Variants in MRPL1 observed in about 807,000 individuals in gnomAD.
The protein encoded by MRPL1 is large ribosomal subunit protein uL1m.
Under a neutral mutation model 38.0 loss-of-function variants are expected in MRPL1, and 28 were observed. The observed-to-expected ratio is 0.74, with a 90% CI of 0.55 to 1.01. MRPL1 has a LOEUF of 1.01. Among genes scored for constraint, MRPL1 ranks in the 50% least tolerant of loss-of-function variants. MRPL1 has a pLI of 0.00. For missense variants in MRPL1, 358 were observed against 389.8 expected (o/e 0.92, Z 0.69); for synonymous variants, 123 against 126.7 (o/e 0.97, Z 0.20).
intron 1 of MRPL1, among the ~76,000 whole-genome samples, chr4:77,870,162 G>A (rs1484032886): frequency 6.6e-6 from 1 of 152,296 alleles, no homozygotes; most frequent in Middle Eastern, 3.4e-3. Context: ...CCAAAGTGCT[G>A]GGATTACAGA....
At chr4:77,934,707 C>T (rs898151313) in intron 7 of MRPL1, among the ~76,000 whole-genome samples, 7 of 152,148 alleles carry the variant, frequency 4.6e-5, no homozygotes, top group Non-Finnish European at 7.3e-5. Context: ...GAATTCAAAG[C>T]AGGGACTTGA....
At chr4:77,882,453 A>G (rs1169602642) in intron 2 of MRPL1, among the ~76,000 whole-genome samples, 1 of 151,956 alleles carries the variant, frequency 6.6e-6, no homozygotes, top group Non-Finnish European at 1.5e-5. Context: ...TTCCCAGAGA[A>G]CCCCATGCCC....
At chr4:77,879,709 G>T (rs1169677701) in intron 2 of MRPL1, among the ~76,000 whole-genome samples, 1 of 152,176 alleles carries the variant, frequency 6.6e-6, no homozygotes, top group Non-Finnish European at 1.5e-5. Flanking sequence ...CTGCTGCTTT[G>T]CTAAATATAA....
chr4:77,952,277 G>A (rs1002488665), intron 8 of MRPL1, among the ~76,000 whole-genome samples: 5 of 152,098 alleles, frequency 3.3e-5, no homozygotes, highest in African/African-American at 7.2e-5. Context: ...TTATTTAGAA[G>A]CTTGGTGATA....
At position 77,879,461 on chromosome 4, in the gene MRPL1, A is replaced by G. The variant is rs149710537; in HGVS notation, c.144-3781A>G. Among the ~76,000 whole-genome samples the G allele has an allele frequency of 1.1e-3, 171 of 152,346 alleles. 1 individual carries two copies. Among genetic ancestry groups the G allele is most frequent in the African/African-American group, 3.9e-3 (161 of 41,576 alleles). On this transcript the variant is annotated intron_variant, in intron 2 of 8. Coordinates refer to ENST00000315567, the MANE Select transcript of MRPL1 (RefSeq NM_020236.4). ...TATACCCAACTCAGACTCTTTATGT[A>G]TCAGACTTTCATTGAATTTTGAAAA...
chr4:77,900,940 ATGT>A (rs1361451746), intron 6 of MRPL1, among the ~76,000 whole-genome samples: 4 of 151,984 alleles, frequency 2.6e-5, no homozygotes, highest in African/African-American at 7.2e-5. Flanking sequence ...ATGAGGAAAG[ATGT>A]TGTTGGATAT....
At chr4:77,872,993 A>C (rs564964674) in intron 2 of MRPL1, among the ~76,000 whole-genome samples, 2 of 152,214 alleles carry the variant, frequency 1.3e-5, no homozygotes, top group South Asian at 4.1e-4. Flanking sequence ...AGATTGCGCC[A>C]CTACACTCTA....
chr4:77,877,057 C>T (rs1395131714), intron 2 of MRPL1, among the ~76,000 whole-genome samples: 4 of 152,114 alleles, frequency 2.6e-5, no homozygotes, highest in South Asian at 4.1e-4. Flanking sequence ...CGCACCACCA[C>T]GCCCAGCTAA....
At chr4:77,928,148 T>C (rs1044442838) in intron 7 of MRPL1, among the ~76,000 whole-genome samples, 1 of 152,206 alleles carries the variant, frequency 6.6e-6, no homozygotes, top group Admixed American at 6.5e-5. Flanking sequence ...TGATAAAAGC[T>C]GAAGCATATT....
intron 7 of MRPL1, among the ~76,000 whole-genome samples, chr4:77,917,090 T>G (rs1736440040): frequency 6.6e-6 from 1 of 152,194 alleles, no homozygotes; most frequent in Non-Finnish European, 1.5e-5. Flanking sequence ...GTTTCTTTGG[T>G]TACAGTGTTA....
In MRPL1 at chr4:77,868,003, A is replaced by G. The variant is rs568071713; in HGVS notation, c.32-3741A>G. 4.0e-4 allele frequency among the ~76,000 whole-genome samples: 61 copies of G among 150,688 alleles called. 1 individual carries two copies. Among genetic ancestry groups the G allele is most frequent in the Middle Eastern group, 3.5e-3 (1 of 288 alleles). On this transcript the variant is annotated intron_variant, in intron 1 of 8. Coordinates refer to ENST00000315567, the MANE Select transcript of MRPL1 (RefSeq NM_020236.4). ...GATCTCCTGACCTCGTGATCCGCCC[A>G]CCTCAGCCCCCCAAAGTGCTGGGAT...
intron 5 of MRPL1, among the ~76,000 whole-genome samples, chr4:77,888,323 G>A (rs1467381832): frequency 5.9e-5 from 9 of 152,142 alleles, no homozygotes; most frequent in Non-Finnish European, 8.8e-5. Context: ...TGGCCAACAC[G>A]GTGAATCCCC....
At chr4:77,879,778 G>A (rs1435386922) in intron 2 of MRPL1, among the ~76,000 whole-genome samples, 2 of 152,148 alleles carry the variant, frequency 1.3e-5, no homozygotes, top group Non-Finnish European at 2.9e-5. Context: ...GTACTTCCAC[G>A]GTAGCTGTTG....
intron 7 of MRPL1, among the ~76,000 whole-genome samples, chr4:77,932,216 C>T (rs998319119): frequency 3.3e-5 from 5 of 152,128 alleles, no homozygotes; most frequent in African/African-American, 9.7e-5. Context: ...ACTGGAATTA[C>T]GGGGGTGACT....
intron 7 of MRPL1, among the ~76,000 whole-genome samples, chr4:77,940,804 A>G (rs1737107441): frequency 6.6e-6 from 1 of 152,162 alleles, no homozygotes; most frequent in Non-Finnish European, 1.5e-5. Context: ...TGAAATGATC[A>G]TGTGATTTTT....
At chr4:77,886,719 G>A (rs1207445814) in intron 4 of MRPL1, among the ~76,000 whole-genome samples, 1 of 151,380 alleles carries the variant, frequency 6.6e-6, no homozygotes, top group Admixed American at 6.6e-5. Context: ...GGCTTCAAGT[G>A]ATCCTCTTGA....
chr4:77,925,165 C>G (rs889838214), intron 7 of MRPL1, among the ~76,000 whole-genome samples: 1 of 152,062 alleles, frequency 6.6e-6, no homozygotes, highest in Non-Finnish European at 1.5e-5. Flanking sequence ...CATTGTAGTA[C>G]TTCACCCGTA....
chr4:77,885,137 A>G (rs1360459159), intron 3 of MRPL1, 119 bp from the exon 4 acceptor site: 2 of 674,362 alleles, frequency 3.0e-6, no homozygotes, highest in Non-Finnish European at 5.2e-6. Context: ...AATTAATGGA[A>G]GAACATAGAG....
intron 1 of MRPL1, among the ~76,000 whole-genome samples, chr4:77,867,973 G>T (rs569143227): frequency 1.3e-5 from 2 of 151,836 alleles, no homozygotes; most frequent in Admixed American, 6.6e-5. Context: ...AGCCAGGATG[G>T]TCTTGATCTC....
Sources: gnomAD v4.1 joint callset for allele counts (sites outside exome capture counted in the v4.1 genomes callset) on GRCh38, gnomAD v4.1.1 for gene constraint, MANE v1.5 for transcripts, NCBI Gene and HGNC (gene_info 2026-07-23, HGNC 2026-07-21) for gene names.